TJP1: variants seen among roughly 807,000 people sequenced by gnomAD.
The protein encoded by TJP1 is tight junction protein ZO-1.
In TJP1, 43 loss-of-function variants were observed where a neutral mutation model predicts 194.2. The observed-to-expected ratio is 0.22, with a 90% CI of 0.17 to 0.29. The LOEUF is 0.29. Among genes scored for constraint, TJP1 ranks in the 10% least tolerant of loss-of-function variants. The pLI, the probability that TJP1 is intolerant of heterozygous loss-of-function variation, is 1.00. For missense variants in TJP1, 1,971 were observed against 2,185.7 expected (o/e 0.90, Z 1.96); for synonymous variants, 801 against 779.0 (o/e 1.03, Z -0.47).
intron 2 of TJP1, among the ~76,000 whole-genome samples, chr15:29,914,692 GT>G (rs1196528836): frequency 6.6e-6 from 1 of 152,054 alleles, no homozygotes; most frequent in Non-Finnish European, 1.5e-5. Context: ...TCCGGGGAGA[GT>G]ATCTGAGGCT....
chr15:29,771,310 T>C (rs570327583), intron 4 of TJP1, among the ~76,000 whole-genome samples: 2 of 152,230 alleles, frequency 1.3e-5, no homozygotes, highest in South Asian at 2.1e-4. Flanking sequence ...TACAAGCCTG[T>C]ACAGCATGTT....
At position 29,732,990 on chromosome 15, in the gene TJP1, A is replaced by G. The variant is rs1215795400; in HGVS notation, c.1736+104T>C. The G allele has an allele frequency of 3.0e-6, 4 of 1,337,188 alleles. No homozygotes were observed. The East Asian group carries it at 9.4e-5, about 31-fold the overall frequency. The allele number at this position is 1,337,188 out of a possible 1,614,324, so 82.8% of individuals were successfully genotyped here. A position where few individuals can be genotyped will look rare whatever the true frequency, so the allele number is the denominator to read the frequency against. On this transcript the variant is annotated intron_variant, in intron 13 of 27. Transcript: ENST00000614355. ...AGTCAGTTATAGATACGTTGAATAC[A>G]ATGAAAAAGAATTCTTTACATTACC...
intron 2 of TJP1, among the ~76,000 whole-genome samples, chr15:29,793,267 A>C (rs573112367): frequency 6.6e-6 from 1 of 152,222 alleles, no homozygotes; most frequent in South Asian, 2.1e-4. Flanking sequence ...TATTGTGTTG[A>C]GGCATGTTCC....
chr15:29,768,300 T>C (rs778544637), intron 4 of TJP1, among the ~76,000 whole-genome samples: 3 of 152,242 alleles, frequency 2.0e-5, no homozygotes, highest in Admixed American at 6.5e-5. Flanking sequence ...CCTTCTCCTA[T>C]TGGAGCAACC....
At chr15:29,751,109 A>G (rs1272360674) in intron 8 of TJP1, among the ~76,000 whole-genome samples, 1 of 152,224 alleles carries the variant, frequency 6.6e-6, no homozygotes, top group Non-Finnish European at 1.5e-5. Context: ...CCCCCTTCAC[A>G]ACGATTAAAA....
intron 2 of TJP1, among the ~76,000 whole-genome samples, chr15:29,834,333 G>C (rs921416466): frequency 6.6e-6 from 1 of 151,388 alleles, no homozygotes; most frequent in East Asian, 2.0e-4. Context: ...GCAATTCTCT[G>C]CCTCAGCCTC....
chr15:29,709,090 C>T, intron 24 of TJP1, 54 bp from the exon 25 acceptor site: 3 of 1,510,704 alleles, frequency 2.0e-6, no homozygotes, highest in Non-Finnish European at 2.7e-6. Flanking sequence ...TTATAATAGC[C>T]CTGTCCCAGC....
At chr15:29,720,880 C>T (rs1451805118) in intron 18 of TJP1, among the ~76,000 whole-genome samples, 172 bp from the exon 19 acceptor site, 1 of 152,196 alleles carries the variant, frequency 6.6e-6, no homozygotes, top group Non-Finnish European at 1.5e-5. Context: ...CACGCAGACA[C>T]ATGGAGCACC....
At chr15:29,911,736 T>C (rs572730441) in intron 2 of TJP1, among the ~76,000 whole-genome samples, 2 of 152,284 alleles carry the variant, frequency 1.3e-5, no homozygotes, top group East Asian at 3.9e-4. Context: ...GAGATTTGGA[T>C]GGGGAAACAG....
chr15:29,959,136 C>T (rs1376763546), intron 1 of TJP1, among the ~76,000 whole-genome samples: 3 of 151,814 alleles, frequency 2.0e-5, no homozygotes, highest in African/African-American at 7.3e-5. Context: ...ACTACAGGCG[C>T]TCATCACCAC....
At chr15:29,868,512 C>T (rs1325158422) in intron 2 of TJP1, among the ~76,000 whole-genome samples, 1 of 152,152 alleles carries the variant, frequency 6.6e-6, no homozygotes, top group Admixed American at 6.5e-5. Flanking sequence ...TGAATCAGGA[C>T]TGTTGAGTTC....
intron 15 of TJP1, among the ~76,000 whole-genome samples, chr15:29,730,062 T>C (rs1163631992): frequency 6.6e-6 from 1 of 152,054 alleles, no homozygotes; most frequent in African/African-American, 2.4e-5. Context: ...AAAGCCTAAC[T>C]GAACCAAAAA....
intron 12 of TJP1, among the ~76,000 whole-genome samples, chr15:29,733,556 T>G (rs1595683239): frequency 6.6e-6 from 1 of 152,352 alleles, no homozygotes; most frequent in East Asian, 1.9e-4. Flanking sequence ...AAAAGCCACA[T>G]GCTTGTTTTC....
intron 5 of TJP1, among the ~76,000 whole-genome samples, chr15:29,764,855 G>A (rs2046233358): frequency 6.6e-6 from 1 of 152,158 alleles, no homozygotes; most frequent in East Asian, 1.9e-4. Flanking sequence ...AAAGATTTGG[G>A]CTGGAGAAAG....
intron 25 of TJP1, among the ~76,000 whole-genome samples, chr15:29,707,913 C>G (rs2041998384): frequency 3.3e-5 from 5 of 151,972 alleles, no homozygotes; most frequent in Admixed American, 3.3e-4. Context: ...AGTATGGGCT[C>G]CTGGCTGGGT....
chr15:29,764,417 G>A (rs557090526), intron 5 of TJP1, among the ~76,000 whole-genome samples: 1 of 152,142 alleles, frequency 6.6e-6, no homozygotes, highest in Non-Finnish European at 1.5e-5. Context: ...CTGAGACTGA[G>A]AACTAATAAA....
chr15:29,700,272 C>T lies in TJP1; in HGVS notation c.*1323G>A, dbSNP rs538206506. ...AGTGGTGTATTATCTAAACAGAAAT[C>T]GTGCTGATGTGCCATAATAAATTGT... On this transcript the variant is annotated 3_prime_UTR_variant, in exon 28 of 28. Coordinates refer to ENST00000614355, the MANE Select transcript of TJP1 (RefSeq NM_001330239.4). 5.8e-5 allele frequency: 23 copies of T among 398,838 alleles called. No homozygotes were observed. Among genetic ancestry groups the T allele is most frequent in the African/African-American group, 3.1e-4 (15 of 48,706 alleles). The allele number at this position is 398,838 out of a possible 1,614,324, so 24.7% of individuals were successfully genotyped here. A position where few individuals can be genotyped will look rare whatever the true frequency, so the allele number is the denominator to read the frequency against.
intron 5 of TJP1, among the ~76,000 whole-genome samples, chr15:29,763,122 C>T (rs2046112524): frequency 6.6e-6 from 1 of 152,132 alleles, no homozygotes; most frequent in Non-Finnish European, 1.5e-5. Context: ...ACCAGCCAGG[C>T]AGATGTGGGC....
At chr15:29,779,524 C>T (rs756148884) in intron 2 of TJP1, among the ~76,000 whole-genome samples, 4 of 152,156 alleles carry the variant, frequency 2.6e-5, no homozygotes, top group East Asian at 1.9e-4. Flanking sequence ...AACAAGTCAT[C>T]GCAGTGACTG....
Sources: gnomAD v4.1 joint callset for allele counts (sites outside exome capture counted in the v4.1 genomes callset) on GRCh38, gnomAD v4.1.1 for gene constraint, MANE v1.5 for transcripts, NCBI Gene and HGNC (gene_info 2026-07-23, HGNC 2026-07-21) for gene names.